OTUD4: variants seen among roughly 807,000 people sequenced by gnomAD.
OTUD4 encodes OTU deubiquitinase 4, also known as OTU domain-containing protein 4.
A neutral mutation model predicts 130.4 loss-of-function variants in OTUD4; 24 were observed. The observed-to-expected ratio is 0.18, with a 90% CI of 0.13 to 0.26. The LOEUF is 0.26. OTUD4 is among the 10% of genes least tolerant of loss of function. OTUD4 has a pLI of 1.00. For missense variants in OTUD4, 1,031 were observed against 1,329.4 expected, an observed-to-expected ratio of 0.78 and a Z score of 3.49; for synonymous variants, 420 against 472.5, an observed-to-expected ratio of 0.89 and a Z score of 1.44.
intron 10 of OTUD4, among the ~76,000 whole-genome samples, chr4:145,152,925 G>A (rs1751133204): frequency 6.6e-6 from 1 of 151,002 alleles, no homozygotes; most frequent in African/African-American, 2.4e-5. Flanking sequence ...AGTAGAGACA[G>A]GGTTTCACCG....
chr4:145,162,650 A>T lies in OTUD4; in HGVS notation c.486T>A (p.Ala162=). The T allele has an allele frequency of 6.7e-7, 1 of 1,498,872 alleles. No homozygotes were observed. Among genetic ancestry groups the T allele is most frequent in the Non-Finnish European group, 9.2e-7 (1 of 1,087,090 alleles). The allele number at this position is 1,498,872 out of a possible 1,614,324, so 92.8% of individuals were successfully genotyped here. A position where few individuals can be genotyped will look rare whatever the true frequency, so the allele number is the denominator to read the frequency against. The change falls in exon 6 of 21, where the codon GCT becomes GCA. Residue 162 remains alanine (A), a synonymous_variant. Transcript: ENST00000447906. The part of the protein sequence containing the change: ...VYPIKYKESS[A]MCQSLLYELL... ...CAAGGTGATACTTACACTGACACAT[A>T]GCAGAGCTTTCTTTATACTTTATGG...
At chr4:145,159,731 G>T in intron 6 of OTUD4, 96 bp from the exon 7 acceptor site, 2 of 1,180,822 alleles carry the variant, frequency 1.7e-6, no homozygotes, top group South Asian at 2.9e-5. Flanking sequence ...TATTGCTCAG[G>T]CTTTTAAAAT....
In OTUD4 at chr4:145,142,354, G is replaced by C. The variant is rs752698450; in HGVS notation, c.1684-20C>G. ...TGGCTTCTTCAAGAAAGGGGTGAGT[G>C]GGGGAAGACAGAAAAAGACAAGAGG... is the stretch of plus-strand genomic sequence containing the variant. On this transcript the variant is annotated intron_variant, in intron 17 of 20. Coordinates refer to ENST00000447906, the MANE Select transcript of OTUD4 (RefSeq NM_001366057.1). The C allele has an allele frequency of 5.0e-6, 8 of 1,609,080 alleles. No individual in the cohort carries two copies. Among genetic ancestry groups the C allele is most frequent in the Non-Finnish European group, 6.8e-6 (8 of 1,177,942 alleles).
chr4:145,162,526 T>C, intron 6 of OTUD4, 114 bp downstream of exon 6: 1 of 538,618 alleles, frequency 1.9e-6, no homozygotes. Flanking sequence ...CACTCCAGCC[T>C]GGGAGACAGA....
At position 145,133,929 on chromosome 4, in the gene OTUD4, CTT is replaced by C. The variant is rs1217506471; in HGVS notation, c.*3499_*3500del. 6.6e-6 allele frequency: 1 copy of C among 152,576 alleles called. No individual in the cohort carries two copies. Among genetic ancestry groups the C allele is most frequent in the African/African-American group, 2.4e-5 (1 of 41,434 alleles). 9.5% of individuals were successfully genotyped at this position (152,576 alleles called of 1,614,324 possible). A position where few individuals can be genotyped will look rare whatever the true frequency, so the allele number is the denominator to read the frequency against. On this transcript the variant is annotated 3_prime_UTR_variant, in exon 21 of 21. Coordinates refer to ENST00000447906, the MANE Select transcript of OTUD4 (RefSeq NM_001366057.1). Reference sequence around the variant, plus strand: ...ACAAATGATCACATCTTCACATGCTCTTAAAGTATTATTTGTACTCAGTGTAA... The same window carrying C: ...ACAAATGATCACATCTTCACATGCTCAAAGTATTATTTGTACTCAGTGTAA...
chr4:145,179,547 G>A (rs1752587625), intron 1 of OTUD4: 30 of 1,176,962 alleles, frequency 2.5e-5, no homozygotes, highest in South Asian at 1.3e-4. Flanking sequence ...CAAGCTCCGA[G>A]CAGGCCTCAC....
chr4:145,155,310 C>G (rs1293155042), intron 10 of OTUD4, 101 bp downstream of exon 10: 1 of 889,752 alleles, frequency 1.1e-6, no homozygotes, highest in African/African-American at 1.7e-5. Context: ...TCTGAAATCC[C>G]AAATTAACAA....
chr4:145,152,598 T>A lies in OTUD4; in HGVS notation c.911A>T (p.Asp304Val), dbSNP rs1269288550. 1 of 1,612,286 alleles carries A rather than the reference T, an allele frequency of 6.2e-7. No individual in the cohort carries two copies. The highest frequency in any genetic ancestry group is 1.3e-5 in the African/African-American group (1 of 74,948). The change falls in exon 11 of 21, where the codon GAT becomes GTT. Residue 304 changes from aspartate to valine, a missense_variant. By Grantham distance (152) the Asp-to-Val change is radical. Coordinates refer to ENST00000447906, the MANE Select transcript of OTUD4 (RefSeq NM_001366057.1). ...ATTCTCAGAATGAATTCCTTGAACA[T>A]CTGCATTCAAAAATTTTCCATTGTG... ...LDHNGKFLNA[D>V]VQGIHSENGP...
chr4:145,146,283 G>A lies in OTUD4; in HGVS notation c.1406C>T (p.Ala469Val). ...LYEIQNRDEQ[A>V]FPALSSSSVN... ...CATACATACGGAAAGGGCTGGGAAA[G>A]CCTGTTCATCTCTGTTCTGAATCTC... The change falls in exon 14 of 21, where the codon GCT (alanine) becomes GTT (valine). Residue 469 changes from alanine to valine, a missense_variant. Coordinates refer to ENST00000447906, the MANE Select transcript of OTUD4 (RefSeq NM_001366057.1). The A allele has an allele frequency of 6.4e-7, 1 of 1,556,210 alleles. No homozygotes were observed.
intron 17 of OTUD4, among the ~76,000 whole-genome samples, chr4:145,142,657 A>C (rs1750618377): frequency 6.6e-6 from 1 of 152,222 alleles, no homozygotes; most frequent in African/African-American, 2.4e-5. Context: ...AAGGTGCTGG[A>C]ATTACAGGCG....
At chr4:145,155,188 A>G (rs36225841) in intron 10 of OTUD4, among the ~76,000 whole-genome samples, 34 of 152,360 alleles carry the variant, frequency 2.2e-4, no homozygotes, top group African/African-American at 8.2e-4. Context: ...TTTAAAGATC[A>G]TGTGATGGGA....
chr4:145,138,629 C>T lies in OTUD4; in HGVS notation c.2146G>A (p.Ala716Thr). The change falls in exon 21 of 21, where the codon GCC becomes ACC. Residue 716 changes from alanine to threonine, a missense_variant. Coordinates refer to ENST00000447906, the MANE Select transcript of OTUD4 (RefSeq NM_001366057.1). ...AGAGGGTACAGGTAAGAATGTGGGG[C>T]CCACATAGGACAACTGTATGCCTGA... The part of the protein sequence containing the change: ...GVKAYSCPMW[A>T]PHSYLYPLHQ... The T allele has an allele frequency of 6.2e-7, 1 of 1,611,464 alleles. No individual in the cohort carries two copies. Among genetic ancestry groups the T allele is most frequent in the South Asian group, 1.1e-5 (1 of 90,690 alleles).
Position 145,136,334 on chromosome 4 carries a change from A to T in OTUD4, c.*1096T>A, listed in dbSNP as rs1475198341. 6.6e-6 allele frequency: 1 copy of T among 152,024 alleles called. No individual in the cohort carries two copies. The highest frequency in any genetic ancestry group is 2.4e-5 in the African/African-American group (1 of 41,196). The allele number at this position is 152,024 out of a possible 1,614,324, so 9.4% of individuals were successfully genotyped here. A position where few individuals can be genotyped will look rare whatever the true frequency, so the allele number is the denominator to read the frequency against. ...AACAAGCTATAAAATACAAAGCAAA[A>T]CCATTTTCTAGCAGCATCCTCTAGA... is the stretch of plus-strand genomic sequence containing the variant. On this transcript the variant is annotated 3_prime_UTR_variant, in exon 21 of 21. Transcript: ENST00000447906.
chr4:145,153,837 C>T (rs191329665), intron 10 of OTUD4, among the ~76,000 whole-genome samples: 47 of 152,260 alleles, frequency 3.1e-4, no homozygotes, highest in Non-Finnish European at 5.0e-4. Flanking sequence ...AAAAGTTTCA[C>T]AATAAAAAAA....
intron 3 of OTUD4, 117 bp downstream of exon 3, chr4:145,171,553 A>T (rs1752167503): frequency 1.7e-6 from 1 of 589,806 alleles, no homozygotes; most frequent in Admixed American, 3.1e-5. Flanking sequence ...AGGAAATAGG[A>T]TACACCGTCA....
Position 145,142,351 on chromosome 4 carries a change from A to T in OTUD4, c.1684-17T>A. ...TGCTGGCTTCTTCAAGAAAGGGGTG[A>T]GTGGGGGAAGACAGAAAAAGACAAG... is the stretch of plus-strand genomic sequence containing the variant. On this transcript the variant is annotated splice_polypyrimidine_tract_variant and intron_variant, in intron 17 of 20. Transcript: ENST00000447906. The T allele has an allele frequency of 6.2e-7, 1 of 1,611,690 alleles. No homozygotes were observed. The highest frequency in any genetic ancestry group is 8.5e-7 in the Non-Finnish European group (1 of 1,178,960).
In OTUD4 at chr4:145,137,301, G is replaced by T; in HGVS notation, c.*129C>A. On this transcript the variant is annotated 3_prime_UTR_variant, in exon 21 of 21. Transcript: ENST00000447906. ...CCAAAATGTCTTGTCCAGTATGGGA[G>T]TGAAGGTAAGGGGGGCTGGGGAGAG... The T allele has an allele frequency of 1.4e-6, 1 of 740,282 alleles. No individual in the cohort carries two copies. Among genetic ancestry groups the T allele is most frequent in the Non-Finnish European group, 2.3e-6 (1 of 444,290 alleles). The allele number at this position is 740,282 out of a possible 1,614,324, so 45.9% of individuals were successfully genotyped here. A position where few individuals can be genotyped will look rare whatever the true frequency, so the allele number is the denominator to read the frequency against.
At chr4:145,169,932 A>G (rs1333815488) in intron 3 of OTUD4, among the ~76,000 whole-genome samples, 1 of 152,244 alleles carries the variant, frequency 6.6e-6, no homozygotes, top group Non-Finnish European at 1.5e-5. Context: ...GTGTTCATGG[A>G]GCTTAATTCA....
intron 3 of OTUD4, among the ~76,000 whole-genome samples, chr4:145,166,231 A>G (rs2126793257): frequency 6.6e-6 from 1 of 152,304 alleles, no homozygotes; most frequent in East Asian, 1.9e-4. Flanking sequence ...AAAGGGCAGA[A>G]GATCTCTTCT....
Sources: allele counts gnomAD v4.1 joint callset (sites outside exome capture counted in the v4.1 genomes callset), GRCh38; gene constraint gnomAD v4.1.1; transcripts MANE v1.5; gene names NCBI Gene and HGNC (gene_info 2026-07-23, HGNC 2026-07-21).